The following ERCC6L2 variants were observed in gnomAD, a reference collection of about 807,000 sequenced individuals.
The protein encoded by ERCC6L2 is ERCC excision repair 6 like 2.
A neutral mutation model predicts 132.0 loss-of-function variants in ERCC6L2; 77 were observed. The ratio of observed to expected loss-of-function variants is 0.58; its 90% CI spans 0.49 to 0.71. ERCC6L2 has a LOEUF of 0.71. Among genes scored for constraint, ERCC6L2 ranks in the 30% least tolerant of loss-of-function variants. The pLI is 0.00. For synonymous variants in ERCC6L2, 583 were observed against 632.4 expected (o/e 0.92, Z 1.17); for missense variants, 1,542 against 1,837.6 (o/e 0.84, Z 2.94).
At chr9:96,021,966 C>T (rs541710182), downstream of ERCC6L2, among the ~76,000 whole-genome samples, 48 of 152,250 alleles carry the variant, frequency 3.2e-4, no homozygotes, top group Non-Finnish European at 6.5e-4. This position sits in a 1 kb window ranked among gnomAD's most constrained non-coding sequence, Gnocchi z 4.7. Context: ...CCAGGCCGAA[C>T]CCCTGCGGCC....
At chr9:95,922,554 A>G (rs1344293643) in intron 8 of ERCC6L2, 136 bp downstream of exon 8, 4 of 605,058 alleles carry the variant, frequency 6.6e-6, no homozygotes, top group East Asian at 3.0e-5. Flanking sequence ...AAATGTAGAT[A>G]TCAAGGAGTA....
At chr9:96,005,460 A>T (rs1291086672) in intron 18 of ERCC6L2, among the ~76,000 whole-genome samples, 1 of 151,974 alleles carries the variant, frequency 6.6e-6, no homozygotes, top group Non-Finnish European at 1.5e-5. Context: ...TGGGGAGGGG[A>T]CATGGAACCA....
intron 17 of ERCC6L2, among the ~76,000 whole-genome samples, chr9:95,997,181 C>T (rs1384491492): frequency 6.6e-6 from 1 of 152,152 alleles, no homozygotes; most frequent in South Asian, 2.1e-4. Context: ...AAGGAGTCAC[C>T]ATTTTAGATA....
In ERCC6L2 at chr9:96,032,063, G is replaced by A. The variant is rs372562404; in HGVS notation, c.*1504-6813G>A. On this transcript the variant is annotated intron_variant and NMD_transcript_variant, in intron 19 of 20. Coordinates refer to the ERCC6L2 transcript ENST00000670016. Reference sequence around the variant, plus strand: ...GTCAGTCTCTAAGCCCATCAGCAGAGAGCGGGGGCTACTTCCACATCTCCC... The same window carrying A: ...GTCAGTCTCTAAGCCCATCAGCAGAAAGCGGGGGCTACTTCCACATCTCCC... Among the ~76,000 whole-genome samples the A allele has an allele frequency of 5.9e-5, 9 of 152,290 alleles. No homozygotes were observed. In the East Asian group the frequency reaches 7.7e-4, roughly 13 times the overall value.
chr9:95,971,350 GA>G (rs1832404679), intron 15 of ERCC6L2, among the ~76,000 whole-genome samples: 1 of 152,088 alleles, frequency 6.6e-6, no homozygotes, highest in African/African-American at 2.4e-5. Context: ...CTCAGTTTTA[GA>G]AAACTAGGTT....
rs1834194705 is a variant in ERCC6L2, at chr9:96,016,909, TGTGTTTG to T, written c.*3707_*3713del. On this transcript the variant is annotated 3_prime_UTR_variant, in exon 19 of 19. Coordinates refer to ENST00000653738, the MANE Select transcript of ERCC6L2 (RefSeq NM_020207.7). The stretch of plus-strand genomic sequence containing the variant: ...ACTGCCTGCCTTAAAGGTTTTTTTG[TGTGTTTG>T]TTTGTTTGTTTGTTTGCATGTGAAG... 7.0e-6 allele frequency among the ~76,000 whole-genome samples: 1 copy of T among 143,090 alleles called. No homozygotes were observed. Among genetic ancestry groups the T allele is most frequent in the Non-Finnish European group, 1.6e-5 (1 of 63,190 alleles). 93.9% of individuals were successfully genotyped at this position (143,090 alleles called of 152,430 possible). A position where few individuals can be genotyped will look rare whatever the true frequency, so the allele number is the denominator to read the frequency against.
At chr9:95,916,873 C>T (rs553088596) in intron 6 of ERCC6L2, among the ~76,000 whole-genome samples, 4 of 152,056 alleles carry the variant, frequency 2.6e-5, no homozygotes, top group African/African-American at 9.6e-5. Flanking sequence ...TTAGTAGAGA[C>T]AGGGTTTCGC....
chr9:95,882,487 G>A (rs1827645917), intron 2 of ERCC6L2, among the ~76,000 whole-genome samples: 1 of 152,162 alleles, frequency 6.6e-6, no homozygotes, highest in South Asian at 2.1e-4. Flanking sequence ...TTTCAGGAGT[G>A]TGTGCCTAGT....
chr9:96,009,254 A>G (rs982834122), intron 18 of ERCC6L2, among the ~76,000 whole-genome samples: 1 of 152,242 alleles, frequency 6.6e-6, no homozygotes, highest in African/African-American at 2.4e-5. Context: ...GGCATGTTCA[A>G]GTGTTTCAAT....
intron 3 of ERCC6L2, 143 bp downstream of exon 3, chr9:95,898,114 T>C: frequency 1.3e-6 from 1 of 763,018 alleles, no homozygotes; most frequent in East Asian, 3.3e-5. Context: ...AATATTTGTT[T>C]TATAGGCCTA....
In ERCC6L2 at chr9:96,017,575, C is replaced by G. The variant is rs938021382; in HGVS notation, c.*4372C>G. On this transcript the variant is annotated 3_prime_UTR_variant, in exon 19 of 19. Coordinates refer to ENST00000653738, the MANE Select transcript of ERCC6L2 (RefSeq NM_020207.7). ...CACCCTTTTTGTTTTTGCAGTTTCACAGGAATTCTGATGTGCCAGTGATTG... is the reference window on the plus strand; with the variant it reads ...CACCCTTTTTGTTTTTGCAGTTTCAGAGGAATTCTGATGTGCCAGTGATTG... 6.6e-6 allele frequency among the ~76,000 whole-genome samples: 1 copy of G among 152,192 alleles called. No homozygotes were observed. The highest frequency in any genetic ancestry group is 2.4e-5 in the African/African-American group (1 of 41,432).
At chr9:95,984,170 ATG>A (rs1251445369) in intron 17 of ERCC6L2, among the ~76,000 whole-genome samples, 1 of 149,916 alleles carries the variant, frequency 6.7e-6, no homozygotes, top group African/African-American at 2.4e-5. Context: ...TAATGTATAT[ATG>A]TTACATATAC....
chr9:95,894,325 T>C (rs1026225466), intron 2 of ERCC6L2, among the ~76,000 whole-genome samples: 1 of 152,168 alleles, frequency 6.6e-6, no homozygotes, highest in Non-Finnish European at 1.5e-5. Flanking sequence ...GTCTGTAATA[T>C]TCATTTAAGT....
chr9:96,019,904 G>A (rs1409153267), downstream of ERCC6L2: 1 of 152,236 alleles, frequency 6.6e-6, no homozygotes, highest in Non-Finnish European at 1.5e-5. Context: ...GCATCAGATC[G>A]GCTGGGCACA....
chr9:95,877,307 A>G (rs1827326904), intron 1 of ERCC6L2, among the ~76,000 whole-genome samples: 1 of 151,164 alleles, frequency 6.6e-6, no homozygotes, highest in African/African-American at 2.4e-5. Flanking sequence ...CAAACCCAAA[A>G]TACTCCAATA....
intron 17 of ERCC6L2, among the ~76,000 whole-genome samples, chr9:95,985,892 G>A (rs932011882): frequency 6.6e-6 from 1 of 152,184 alleles, no homozygotes; most frequent in Non-Finnish European, 1.5e-5. Flanking sequence ...ATTCTGTTAT[G>A]TACTAAACAC....
At chr9:95,926,706 A>G (rs912610356) in intron 9 of ERCC6L2, among the ~76,000 whole-genome samples, 1 of 152,152 alleles carries the variant, frequency 6.6e-6, no homozygotes, top group Non-Finnish European at 1.5e-5. Context: ...TGGTAGATAC[A>G]TGTCATGATA....
chr9:95,943,149 T>C (rs1830883845), intron 12 of ERCC6L2, among the ~76,000 whole-genome samples: 1 of 152,170 alleles, frequency 6.6e-6, no homozygotes, highest in Admixed American at 6.5e-5. Context: ...GGAGTGTGGC[T>C]GATAGGCTTC....
At chr9:95,921,074 C>T in intron 6 of ERCC6L2, 101 bp from the exon 7 acceptor site, 1 of 1,174,646 alleles carries the variant, frequency 8.5e-7, no homozygotes, top group South Asian at 1.7e-5. Flanking sequence ...TGCGCCCGGC[C>T]AGTTTTCACT....
Sources: allele counts gnomAD v4.1 joint callset (sites outside exome capture counted in the v4.1 genomes callset), GRCh38; gene constraint gnomAD v4.1.1; non-coding constraint Gnocchi (gnomAD v3.1); transcripts MANE v1.5; gene names NCBI Gene and HGNC (gene_info 2026-07-23, HGNC 2026-07-21).